The following FUBP3 variants were observed in gnomAD, a reference collection of about 807,000 sequenced individuals.
FUBP3 encodes the protein far upstream element binding protein 3.
In FUBP3, 28 loss-of-function variants were observed where a neutral mutation model predicts 85.6. The ratio of observed to expected loss-of-function variants is 0.33; its 90% CI spans 0.24 to 0.45. The LOEUF (loss-of-function observed/expected upper bound fraction) is 0.45, where lower values mean the gene tolerates loss of function less well. Among genes scored for constraint, FUBP3 ranks in the 20% least tolerant of loss-of-function variants. FUBP3 has a pLI of 1.00. For synonymous variants in FUBP3, 271 were observed against 271.4 expected, an observed-to-expected ratio of 1.00 and a Z score of 0.01; for missense variants, 583 against 755.1, an observed-to-expected ratio of 0.77 and a Z score of 2.67.
At chr9:130,631,487 G>T in intron 13 of FUBP3, 70 bp from the exon 14 acceptor site, 2 of 1,459,450 alleles carry the variant, frequency 1.4e-6, no homozygotes, top group South Asian at 2.3e-5. Flanking sequence ...CTTTGCCTCG[G>T]GGTGGGCCTG....
intron 1 of FUBP3, among the ~76,000 whole-genome samples, chr9:130,580,427 G>A (rs552842036): frequency 6.6e-6 from 1 of 152,164 alleles, no homozygotes; most frequent in Non-Finnish European, 1.5e-5. Context: ...AAGGCTCCAG[G>A]CTTCCCCAGA....
chr9:130,606,550 G>T (rs760977114), intron 2 of FUBP3, among the ~76,000 whole-genome samples: 3 of 152,070 alleles, frequency 2.0e-5, no homozygotes, highest in Non-Finnish European at 2.9e-5. Flanking sequence ...GCCGGGCGCG[G>T]TGGCTCACGC....
chr9:130,627,655 GTGTT>G (rs561002377), intron 12 of FUBP3, among the ~76,000 whole-genome samples: 128 of 152,368 alleles, frequency 8.4e-4, no homozygotes, highest in African/African-American at 2.9e-3. Context: ...GGGCTGGTGA[GTGTT>G]TGGGGATATT....
At chr9:130,583,968 C>T (rs1238213438) in intron 1 of FUBP3, among the ~76,000 whole-genome samples, 1 of 152,086 alleles carries the variant, frequency 6.6e-6, no homozygotes, top group Admixed American at 6.5e-5. Flanking sequence ...AACTCCTGGC[C>T]TCAAGCAATC....
intron 7 of FUBP3, among the ~76,000 whole-genome samples, chr9:130,617,360 G>A (rs1832060957): frequency 6.6e-6 from 1 of 152,144 alleles, no homozygotes; most frequent in Non-Finnish European, 1.5e-5. Context: ...GTAGACTCAG[G>A]GAGTTTATCA....
At chr9:130,602,641 T>C (rs566705166) in intron 2 of FUBP3, among the ~76,000 whole-genome samples, 23 of 151,972 alleles carry the variant, frequency 1.5e-4, no homozygotes, top group African/African-American at 2.4e-4. Flanking sequence ...ATGACAGATA[T>C]TGGAGGGATG....
intron 1 of FUBP3, among the ~76,000 whole-genome samples, chr9:130,587,169 A>T (rs1370290404): frequency 6.7e-6 from 1 of 149,634 alleles, no homozygotes; most frequent in African/African-American, 2.5e-5. Context: ...AGTTCAAGTG[A>T]TTCTCCTGCC....
At chr9:130,632,325 G>T (rs1463946892) in intron 16 of FUBP3, 47 bp downstream of exon 16, 1 of 1,438,514 alleles carries the variant, frequency 7.0e-7, no homozygotes, top group African/African-American at 1.4e-5. Flanking sequence ...AAAGGTTGCG[G>T]CCCACAGAAG....
At chr9:130,636,912 G>T in intron 18 of FUBP3, 102 bp from the exon 19 acceptor site, 2 of 974,202 alleles carry the variant, frequency 2.1e-6, no homozygotes, top group South Asian at 1.3e-5. Context: ...CAGAGGTTTT[G>T]TCTGGCCCAG....
chr9:130,582,937 T>C (rs953240456), intron 1 of FUBP3, among the ~76,000 whole-genome samples: 2 of 152,232 alleles, frequency 1.3e-5, no homozygotes, highest in Admixed American at 1.3e-4. Flanking sequence ...AAACTACTAA[T>C]ACTTTTTAGG....
Position 130,579,639 on chromosome 9 carries a change from TC to T in FUBP3, c.-41del. 1 of 1,159,746 alleles carries T rather than the reference TC, an allele frequency of 8.6e-7. No homozygotes were observed. The highest frequency in any genetic ancestry group is 1.1e-6 in the Non-Finnish European group (1 of 921,378). 71.8% of individuals were successfully genotyped at this position (1,159,746 alleles called of 1,614,324 possible). ...CGGACCGGGGAGCCGAGCGGCGGCG[TC>T]GGCGGCGTCGGCGGCGGCGGCGACG... On this transcript the variant is annotated 5_prime_UTR_variant, in exon 1 of 19. Coordinates refer to ENST00000319725, the MANE Select transcript of FUBP3 (RefSeq NM_003934.2).
intron 11 of FUBP3, among the ~76,000 whole-genome samples, chr9:130,625,038 C>T (rs369939584): frequency 1.9e-4 from 29 of 152,240 alleles, no homozygotes; most frequent in African/African-American, 6.5e-4. Context: ...TGGTGAGACC[C>T]GTCCCTACTA....
chr9:130,589,027 A>G (rs1254835138), intron 1 of FUBP3, among the ~76,000 whole-genome samples: 1 of 152,158 alleles, frequency 6.6e-6, no homozygotes, highest in African/African-American at 2.4e-5. Flanking sequence ...TATCCATGCC[A>G]ATCAACAGGA....
At chr9:130,627,447 G>A (rs1383868542) in intron 12 of FUBP3, among the ~76,000 whole-genome samples, 2 of 152,222 alleles carry the variant, frequency 1.3e-5, no homozygotes, top group African/African-American at 4.8e-5. Flanking sequence ...GGCAGGACTT[G>A]GGGATGCTTC....
At chr9:130,608,144 CAG>C (rs999137495) in intron 2 of FUBP3, among the ~76,000 whole-genome samples, 1 of 152,178 alleles carries the variant, frequency 6.6e-6, no homozygotes, top group African/African-American at 2.4e-5. Flanking sequence ...CTGGCTGAGA[CAG>C]AAATTTCTGA....
rs1831994905 is a variant in FUBP3 at position 130,616,102 on chromosome 9, G to A, written c.405-253G>A. On this transcript the variant is annotated intron_variant, in intron 6 of 18. Transcript: ENST00000319725. This position sits in a 1 kb window ranked among gnomAD's most constrained non-coding sequence, Gnocchi z 4.7. ...CTTTGTGGAGACACAAGCATGAGCA[G>A]AGGGCAGGCTTGAAAGGGGCGGCAA... Among the ~76,000 whole-genome samples the A allele has an allele frequency of 1.3e-5, 2 of 151,890 alleles. No individual in the cohort carries two copies. Among genetic ancestry groups the A allele is most frequent in the South Asian group, 2.1e-4 (1 of 4,824 alleles).
chr9:130,624,495 A>G (rs192753829), intron 11 of FUBP3, among the ~76,000 whole-genome samples: 49 of 152,310 alleles, frequency 3.2e-4, no homozygotes, highest in African/African-American at 9.9e-4. Context: ...AGACAAGTTT[A>G]TAAAACGGCC....
In FUBP3 at chr9:130,626,424, T is replaced by C. The variant is rs758078397; in HGVS notation, c.1036T>C (p.Trp346Arg). The C allele has an allele frequency of 6.2e-7, 1 of 1,614,146 alleles. No homozygotes were observed. Among genetic ancestry groups the C allele is most frequent in the Non-Finnish European group, 8.5e-7 (1 of 1,180,004 alleles). Residue 346 changes from tryptophan (W) to arginine (R), a missense_variant, in exon 12 of 19, where the codon TGG becomes CGG. Transcript: ENST00000319725. The stretch of plus-strand genomic sequence containing the variant: ...AGGAAGAGGTCGTGGCCGTGGCGAC[T>C]GGAGCGTGGGAGCCCCTGGTGGCGT... ...ARGRGRGRGD[W>R]SVGAPGGVQE... is the part of the protein sequence containing the mutation.
intron 12 of FUBP3, 119 bp from the exon 13 acceptor site, chr9:130,630,509 G>T: frequency 1.4e-6 from 1 of 696,952 alleles, no homozygotes; most frequent in African/African-American, 1.9e-5. Flanking sequence ...TCTACTGTCA[G>T]GGCAAGTGCC....
Sources: gnomAD v4.1 joint callset for allele counts (sites outside exome capture counted in the v4.1 genomes callset) on GRCh38, gnomAD v4.1.1 for gene constraint, Gnocchi (gnomAD v3.1) non-coding constraint, MANE v1.5 for transcripts, NCBI Gene and HGNC (gene_info 2026-07-23, HGNC 2026-07-21) for gene names.